USP15: variants seen among roughly 807,000 people sequenced by gnomAD.
USP15 encodes ubiquitin specific peptidase 15.
A neutral mutation model predicts 127.1 loss-of-function variants in USP15; 18 were observed. The observed-to-expected ratio is 0.14, with a 90% confidence interval of 0.10 to 0.21. The LOEUF (loss-of-function observed/expected upper bound fraction) is 0.21. Ranked by LOEUF, USP15 falls within the 10% of genes least tolerant of loss-of-function variation. USP15 has a pLI of 1.00. For synonymous variants in USP15, 364 were observed against 393.7 expected (o/e 0.92, Z 0.89); for missense variants, 805 against 1,159.9 (o/e 0.69, Z 4.44).
Position 62,413,300 on chromosome 12 carries a change from T to C in USP15, c.*8925T>C, listed in dbSNP as rs1012670249. 1.3e-5 allele frequency: 2 copies of C among 152,206 alleles called. No homozygotes were observed. Among genetic ancestry groups the C allele is most frequent in the Non-Finnish European group, 2.9e-5 (2 of 68,034 alleles). 9.4% of individuals were successfully genotyped at this position (152,206 alleles called of 1,614,324 possible). A position where few individuals can be genotyped will look rare whatever the true frequency, so the allele number is the denominator to read the frequency against. ...TTAATTTTAAGGACCCTAGGATTTT[T>C]GGAATGATAAATGAACATTAGTTAG... On this transcript the variant is annotated 3_prime_UTR_variant, in exon 22 of 22. Coordinates refer to ENST00000280377, the MANE Select transcript of USP15 (RefSeq NM_001252078.2).
chr12:62,262,010 G>T (rs1445789763), intron 1 of USP15, among the ~76,000 whole-genome samples: 1 of 152,132 alleles, frequency 6.6e-6, no homozygotes, highest in Non-Finnish European at 1.5e-5. Flanking sequence ...AGGCCGAGGA[G>T]GGAGGATCAC....
chr12:62,366,235 G>A (rs1411742261), intron 8 of USP15, among the ~76,000 whole-genome samples: 1 of 152,148 alleles, frequency 6.6e-6, no homozygotes, highest in Non-Finnish European at 1.5e-5. Flanking sequence ...TTGAGCAGTG[G>A]TTTGTAGTTC....
intron 2 of USP15, among the ~76,000 whole-genome samples, chr12:62,301,315 C>T (rs2064312862): frequency 6.6e-6 from 1 of 152,064 alleles, no homozygotes; most frequent in Non-Finnish European, 1.5e-5. Flanking sequence ...TATTGTAGAG[C>T]CCAGTCATTC....
Position 62,405,262 on chromosome 12 carries a change from A to G in USP15, c.*887A>G, listed in dbSNP as rs932832822. The G allele has an allele frequency of 6.6e-6, 1 of 152,156 alleles. No individual in the cohort carries two copies. The highest frequency in any genetic ancestry group is 2.4e-5 in the African/African-American group (1 of 41,446). 9.4% of individuals were successfully genotyped at this position (152,156 alleles called of 1,614,324 possible). A position where few individuals can be genotyped will look rare whatever the true frequency, so the allele number is the denominator to read the frequency against. On this transcript the variant is annotated 3_prime_UTR_variant, in exon 22 of 22. Coordinates refer to ENST00000280377, the MANE Select transcript of USP15 (RefSeq NM_001252078.2). ...ATTATTGTAATATAAGGACAGACAT[A>G]ATAGTATTCTGTACCCATAGTAATA...
At chr12:62,396,519 T>G (rs2067495465) in intron 20 of USP15, 121 bp downstream of exon 20, 2 of 836,992 alleles carry the variant, frequency 2.4e-6, no homozygotes, top group African/African-American at 3.5e-5. Flanking sequence ...CATATAGTAG[T>G]TCAGTATTGA....
rs1359560563 is a variant in USP15 at position 62,405,263 on chromosome 12, A to C, written c.*888A>C. On this transcript the variant is annotated 3_prime_UTR_variant, in exon 22 of 22. Coordinates refer to ENST00000280377, the MANE Select transcript of USP15 (RefSeq NM_001252078.2). ...TTATTGTAATATAAGGACAGACATAATAGTATTCTGTACCCATAGTAATAA... is the reference window on the plus strand; with the variant it reads ...TTATTGTAATATAAGGACAGACATACTAGTATTCTGTACCCATAGTAATAA... The C allele has an allele frequency of 1.3e-5, 2 of 152,146 alleles. No individual in the cohort carries two copies. The highest frequency in any genetic ancestry group is 1.9e-4 in the East Asian group (1 of 5,202). 9.4% of individuals were successfully genotyped at this position (152,146 alleles called of 1,614,324 possible).
At chr12:62,343,251 A>G (rs998744952) in intron 6 of USP15, among the ~76,000 whole-genome samples, 2 of 152,172 alleles carry the variant, frequency 1.3e-5, no homozygotes, top group South Asian at 2.1e-4. Context: ...GTAATGGCAG[A>G]TGCCCCTCCC....
At chr12:62,360,218 T>G (rs938104022) in intron 8 of USP15, among the ~76,000 whole-genome samples, 1 of 152,072 alleles carries the variant, frequency 6.6e-6, no homozygotes, top group African/African-American at 2.4e-5. Context: ...TAGAGCTCCT[T>G]AGATAGATTC....
intron 8 of USP15, among the ~76,000 whole-genome samples, chr12:62,360,197 C>G (rs1238377312): frequency 6.6e-6 from 1 of 151,908 alleles, no homozygotes; most frequent in African/African-American, 2.4e-5. Flanking sequence ...AAAATATTTA[C>G]TTGGACATAA....
At chr12:62,270,368 A>G (rs1195178304) in intron 1 of USP15, among the ~76,000 whole-genome samples, 1 of 151,918 alleles carries the variant, frequency 6.6e-6, no homozygotes, top group Non-Finnish European at 1.5e-5. Flanking sequence ...TATTTTATTG[A>G]AATTCAATTT....
At chr12:62,367,878 C>T (rs1286173434) in intron 8 of USP15, among the ~76,000 whole-genome samples, 1 of 152,054 alleles carries the variant, frequency 6.6e-6, no homozygotes, top group Non-Finnish European at 1.5e-5. Context: ...GCTCTTGCTT[C>T]TCTAGTTCTT....
At chr12:62,285,047 G>A (rs1171663805) in intron 1 of USP15, among the ~76,000 whole-genome samples, 2 of 152,038 alleles carry the variant, frequency 1.3e-5, no homozygotes, top group African/African-American at 4.8e-5. Flanking sequence ...TAGTATTGTT[G>A]TTATTAACTT....
intron 8 of USP15, among the ~76,000 whole-genome samples, chr12:62,371,415 C>T (rs775824649): frequency 8.6e-5 from 13 of 151,974 alleles, no homozygotes; most frequent in South Asian, 4.1e-4. Flanking sequence ...ACCAGATAAT[C>T]GTAAGCACAG....
intron 21 of USP15, 130 bp from the exon 22 acceptor site, chr12:62,404,063 T>G: frequency 1.4e-6 from 1 of 736,390 alleles, no homozygotes; most frequent in Non-Finnish European, 1.8e-6. Context: ...GTAACTTCCA[T>G]TTGACCATGC....
intron 3 of USP15, among the ~76,000 whole-genome samples, chr12:62,307,627 T>G (rs547216467): frequency 2.0e-5 from 3 of 152,238 alleles, no homozygotes; most frequent in South Asian, 2.1e-4. Flanking sequence ...CCAAAAATAT[T>G]AAGTGGGAAA....
chr12:62,407,324 A>G lies in USP15; in HGVS notation c.*2949A>G, dbSNP rs2067900222. 6.6e-6 allele frequency: 1 copy of G among 152,216 alleles called. No homozygotes were observed. Among genetic ancestry groups the G allele is most frequent in the African/African-American group, 2.4e-5 (1 of 41,460 alleles). The allele number at this position is 152,216 out of a possible 1,614,324, so 9.4% of individuals were successfully genotyped here. The stretch of plus-strand genomic sequence containing the variant: ...TAGAGCCAATATTCTATCCTCAGAT[A>G]TATACTACCTCTCACTGTGTTATAG... On this transcript the variant is annotated 3_prime_UTR_variant, in exon 22 of 22. Coordinates refer to ENST00000280377, the MANE Select transcript of USP15 (RefSeq NM_001252078.2).
chr12:62,376,589 G>C (rs2066836583), intron 8 of USP15, among the ~76,000 whole-genome samples: 1 of 152,060 alleles, frequency 6.6e-6, no homozygotes, highest in Non-Finnish European at 1.5e-5. Context: ...GCATGAGACT[G>C]GTAGACATGT....
rs1163091790 is a variant in USP15, at chr12:62,298,830, CAAAAAAA to C, written c.218-3943_218-3937del. Reference sequence around the variant, plus strand: ...GGTGACAGAGTAAGACCCTGTCTTGCAAAAAAAAAAAAAAAAAAAAAAAGAATGAGTG... The same window carrying C: ...GGTGACAGAGTAAGACCCTGTCTTGCAAAAAAAAAAAAAAAAGAATGAGTG... On this transcript the variant is annotated intron_variant, in intron 2 of 21. Coordinates refer to ENST00000280377, the MANE Select transcript of USP15 (RefSeq NM_001252078.2). 6.4e-3 allele frequency among the ~76,000 whole-genome samples: 418 copies of C among 65,062 alleles called. 3 individuals are homozygous for C. The highest frequency in any genetic ancestry group is 0.021 in the African/African-American group (347 of 16,200). 42.7% of individuals were successfully genotyped at this position (65,062 alleles called of 152,430 possible).
rs763360166 is a variant in USP15 at position 62,404,382 on chromosome 12, T to G, written c.*7T>G. 9.5e-6 allele frequency: 15 copies of G among 1,576,454 alleles called. No individual in the cohort carries two copies. Among genetic ancestry groups the G allele is most frequent in the Non-Finnish European group, 1.2e-5 (14 of 1,160,258 alleles). On this transcript the variant is annotated 3_prime_UTR_variant, in exon 22 of 22. Coordinates refer to ENST00000280377, the MANE Select transcript of USP15 (RefSeq NM_001252078.2). ...CTGTATGCACACTAACTAATGAAAG[T>G]CCTAGAAGCCATAAAAGAGACACTT...
Sources: allele counts gnomAD v4.1 joint callset (sites outside exome capture counted in the v4.1 genomes callset), GRCh38; gene constraint gnomAD v4.1.1; transcripts MANE v1.5; gene names NCBI Gene and HGNC (gene_info 2026-07-23, HGNC 2026-07-21).